Variants in TTC17 observed in about 807,000 individuals in gnomAD.
The protein encoded by TTC17 is tetratricopeptide repeat domain 17.
In TTC17, 58 loss-of-function variants were observed where a neutral mutation model predicts 143.8. The ratio of observed to expected loss-of-function variants is 0.40; its 90% CI spans 0.33 to 0.50. TTC17 has a LOEUF of 0.50. Ranked by LOEUF, TTC17 falls within the 20% of genes least tolerant of loss-of-function variation. TTC17 has a pLI of 0.49. For synonymous variants in TTC17, 501 were observed against 497.8 expected (o/e 1.01, Z -0.09); for missense variants, 1,273 against 1,392.5 (o/e 0.91, Z 1.37).
chr11:43,485,977 A>G (rs1948373987), intron 21 of TTC17, among the ~76,000 whole-genome samples: 1 of 150,362 alleles, frequency 6.7e-6, no homozygotes, highest in African/African-American at 2.4e-5. Flanking sequence ...GGAGACAACC[A>G]GGAAGCAATC....
chr11:43,460,471 T>C (rs1947844519), intron 21 of TTC17, among the ~76,000 whole-genome samples: 1 of 152,212 alleles, frequency 6.6e-6, no homozygotes, highest in Non-Finnish European at 1.5e-5. Context: ...TCTTTGCTGC[T>C]CTTCCACCAA....
intron 19 of TTC17, chr11:43,449,674 G>T (rs1014092078): frequency 6.5e-6 from 1 of 154,060 alleles, no homozygotes; most frequent in East Asian, 1.9e-4. Flanking sequence ...ACATGGCAGT[G>T]CCAATTTGTC....
At chr11:43,438,944 T>C (rs938056328) in intron 16 of TTC17, among the ~76,000 whole-genome samples, 5 of 152,236 alleles carry the variant, frequency 3.3e-5, no homozygotes, top group African/African-American at 1.2e-4. Context: ...ATAACCATTG[T>C]CATTTGATCC....
At position 43,408,276 on chromosome 11, in the gene TTC17, A is replaced by T. The variant is rs191280439; in HGVS notation, c.2064+699A>T. Among the ~76,000 whole-genome samples the T allele has an allele frequency of 2.6e-5, 4 of 152,370 alleles. No individual in the cohort carries two copies. In the South Asian group the frequency reaches 8.3e-4, roughly 32 times the overall value. ...AAAGAAACCTTCAGAAGGGATGTGCATGAATGGTTGAGGTTTATTTATGGT... is the reference window on the plus strand; with the variant it reads ...AAAGAAACCTTCAGAAGGGATGTGCTTGAATGGTTGAGGTTTATTTATGGT... On this transcript the variant is annotated intron_variant, in intron 15 of 23. Transcript: ENST00000039989.
chr11:43,453,335 A>G (rs984706296), intron 21 of TTC17, among the ~76,000 whole-genome samples: 3 of 152,258 alleles, frequency 2.0e-5, no homozygotes, highest in African/African-American at 7.2e-5. Context: ...AGAACAGTCA[A>G]CAGCAGTGCT....
intron 21 of TTC17, among the ~76,000 whole-genome samples, chr11:43,452,989 A>G (rs1432635640): frequency 6.6e-6 from 1 of 152,212 alleles, no homozygotes; most frequent in Non-Finnish European, 1.5e-5. Context: ...ACACAGGAGA[A>G]AGATTAGCAA....
At chr11:43,399,319 G>A (rs944903495) in intron 8 of TTC17, among the ~76,000 whole-genome samples, 4 of 152,108 alleles carry the variant, frequency 2.6e-5, no homozygotes, top group South Asian at 2.1e-4. Flanking sequence ...CTTGTATATC[G>A]TCATGTATTT....
Position 43,398,121 on chromosome 11 carries a change from A to G in TTC17, c.1058+8A>G, listed in dbSNP as rs1565145001. ...ATTGGAGGCTCAGCATAGGTAATTG[A>G]GAGGAAAAATTTCACTCAAGCATTA... On this transcript the variant is annotated splice_region_variant and intron_variant, in intron 8 of 23. Transcript: ENST00000039989. The G allele has an allele frequency of 6.2e-7, 1 of 1,613,718 alleles. No individual in the cohort carries two copies. Among genetic ancestry groups the G allele is most frequent in the South Asian group, 1.1e-5 (1 of 91,038 alleles).
intron 16 of TTC17, among the ~76,000 whole-genome samples, chr11:43,428,649 G>A (rs1272209042): frequency 6.6e-6 from 1 of 152,208 alleles, no homozygotes. Context: ...GGATGCAGGG[G>A]CATATAGGTC....
chr11:43,445,932 G>GCTA, intron 18 of TTC17: 8 of 1,253,822 alleles, frequency 6.4e-6, no homozygotes, highest in Non-Finnish European at 9.0e-6. Context: ...TTTGGTTAGG[G>GCTA]CTACTAGACT....
chr11:43,424,956 AT>A (rs1946991509), intron 16 of TTC17, among the ~76,000 whole-genome samples: 1 of 152,242 alleles, frequency 6.6e-6, no homozygotes, highest in Non-Finnish European at 1.5e-5. Flanking sequence ...CTGCAATTGT[AT>A]TTCATTCTCC....
intron 17 of TTC17, 89 bp downstream of exon 17, chr11:43,443,673 T>C: frequency 6.7e-7 from 1 of 1,495,696 alleles, no homozygotes; most frequent in Non-Finnish European, 9.0e-7. Flanking sequence ...CTGTTGGATA[T>C]GTGGCACTAC....
intron 18 of TTC17, chr11:43,446,497 A>T (rs1947546079): frequency 2.2e-6 from 1 of 445,144 alleles, no homozygotes. Flanking sequence ...ACAGGTGCTC[A>T]ATAAATATTT....
At chr11:43,457,611 C>G (rs1456624693) in intron 21 of TTC17, among the ~76,000 whole-genome samples, 1 of 151,598 alleles carries the variant, frequency 6.6e-6, no homozygotes, top group African/African-American at 2.4e-5. Context: ...AAAAAAGTAC[C>G]TTTTCACCAG....
At chr11:43,420,789 AT>A (rs773327433) in intron 16 of TTC17, among the ~76,000 whole-genome samples, 70 of 152,280 alleles carry the variant, frequency 4.6e-4, no homozygotes, top group African/African-American at 1.5e-3. Context: ...GCCAAAAAAA[AT>A]GTTTTATTTT....
Position 43,407,525 on chromosome 11 carries a change from A to G in TTC17, c.2012A>G (p.His671Arg). ...LANLLIHYGL[H>R]LDATKLLLQA... is the part of the protein sequence containing the mutation. ...AACCTTTTGATTCATTACGGCCTTC[A>G]TCTTGATGCCACTAAGCTGCTACTT... is the stretch of plus-strand genomic sequence containing the variant. Residue 671 changes from histidine (H) to arginine (R), a missense_variant, in exon 15 of 24, where the codon CAT (histidine) becomes CGT (arginine). This residue lies in a region of TTC17 where 878 missense variants were observed against 899.8 expected (regional missense o/e 0.98). Transcript: ENST00000039989. The G allele has an allele frequency of 2.5e-6, 4 of 1,614,000 alleles. No individual in the cohort carries two copies. Among genetic ancestry groups the G allele is most frequent in the South Asian group, 1.1e-5 (1 of 91,082 alleles).
At chr11:43,391,436 A>G (rs1857381753) in intron 3 of TTC17, 29 bp from the exon 4 acceptor site, 1 of 1,313,416 alleles carries the variant, frequency 7.6e-7, no homozygotes. Context: ...CTCACCTTTT[A>G]TTCATTCATT....
chr11:43,371,033 G>C (rs1030369512), intron 1 of TTC17, among the ~76,000 whole-genome samples: 1 of 146,844 alleles, frequency 6.8e-6, no homozygotes, highest in Non-Finnish European at 1.5e-5. Context: ...TGGGGGGGGG[G>C]GTCTTGAACT....
At chr11:43,379,404 A>G (rs1856879066) in intron 2 of TTC17, 82 bp downstream of exon 2, 5 of 1,308,160 alleles carry the variant, frequency 3.8e-6, no homozygotes, top group African/African-American at 1.5e-5. Context: ...AAGCTAAAGC[A>G]TATTATTTTT....
Sources: allele counts gnomAD v4.1 joint callset (sites outside exome capture counted in the v4.1 genomes callset), GRCh38; gene constraint gnomAD v4.1.1; regional missense constraint gnomAD v4.1.1; transcripts MANE v1.5; gene names NCBI Gene and HGNC (gene_info 2026-07-23, HGNC 2026-07-21).